AGBL1: variants seen among roughly 807,000 people sequenced by gnomAD.
AGBL1 encodes AGBL carboxypeptidase 1.
A neutral mutation model predicts 118.9 loss-of-function variants in AGBL1; 130 were observed. The ratio of observed to expected loss-of-function variants is 1.09; its 90% CI spans 0.95 to 1.26. The LOEUF is 1.26. AGBL1 is among the 50% of genes most tolerant of loss of function. AGBL1 has a pLI of 0.00. For synonymous variants in AGBL1, 555 were observed against 478.9 expected, an observed-to-expected ratio of 1.16 and a Z score of -2.08; for missense variants, 1,584 against 1,298.1, an observed-to-expected ratio of 1.22 and a Z score of -3.38.
At chr15:86,921,811 C>G (rs929803354) in intron 23 of AGBL1, among the ~76,000 whole-genome samples, 2 of 152,206 alleles carry the variant, frequency 1.3e-5, no homozygotes, top group Non-Finnish European at 1.5e-5. Context: ...CAGAGTCTTA[C>G]TTAGTTATAA....
Position 86,613,640 on chromosome 15 carries a change from G to C in AGBL1, c.2994+59103G>C, listed in dbSNP as rs1275613550. 6.6e-6 allele frequency among the ~76,000 whole-genome samples: 1 copy of C among 152,150 alleles called. No individual in the cohort carries two copies. The highest frequency in any genetic ancestry group is 1.5e-5 in the Non-Finnish European group (1 of 68,034). ...GAGTACTTACCAGCTACCTAAAGAAGGCATGACGTTTCCCAGAAAGAGGGC... is the reference window on the plus strand; with the variant it reads ...GAGTACTTACCAGCTACCTAAAGAACGCATGACGTTTCCCAGAAAGAGGGC... On this transcript the variant is annotated intron_variant, in intron 21 of 22. Transcript: ENST00000614907. This position sits in a 1 kb window ranked among gnomAD's most constrained non-coding sequence, Gnocchi z 4.2.
intron 17 of AGBL1, among the ~76,000 whole-genome samples, chr15:86,349,744 T>G (rs1282974990): frequency 6.6e-6 from 1 of 152,174 alleles, no homozygotes; most frequent in Non-Finnish European, 1.5e-5. Flanking sequence ...TTCCTTAAGT[T>G]TGAGATGTCT....
intron 5 of AGBL1, among the ~76,000 whole-genome samples, chr15:86,181,803 A>AT (rs1439060656): frequency 1.3e-5 from 2 of 152,060 alleles, no homozygotes; most frequent in Non-Finnish European, 2.9e-5. Context: ...TAAATGATTT[A>AT]TTTTTTGTAT....
chr15:86,663,354 C>A (rs1035714564), intron 21 of AGBL1, among the ~76,000 whole-genome samples: 2 of 152,160 alleles, frequency 1.3e-5, no homozygotes, highest in African/African-American at 4.8e-5. Context: ...GAGAGCAGCA[C>A]CTTTCTCCTT....
chr15:86,623,520 T>C (rs1235812242), intron 21 of AGBL1, among the ~76,000 whole-genome samples: 1 of 152,196 alleles, frequency 6.6e-6, no homozygotes, highest in Non-Finnish European at 1.5e-5. Flanking sequence ...ATTCTCTTTG[T>C]TCACTACCCA....
Position 86,247,818 on chromosome 15 carries a change from G to C in AGBL1, c.674G>C (p.Arg225Pro). The C allele has an allele frequency of 1.9e-6, 3 of 1,613,956 alleles. No individual in the cohort carries two copies. Among genetic ancestry groups the C allele is most frequent in the South Asian group, 2.2e-5 (2 of 91,080 alleles). Reference protein sequence around the residue: ...LLCLRHIAALRSGREAFLAAQ... With the variant: ...LLCLRHIAALPSGREAFLAAQ... ...TGCCTCAGGCACATTGCTGCCCTCC[G>C]GTCCGGCAGGGAGGCCTTCCTGGCA... The change falls in exon 7 of 23, where the codon CGG (arginine) becomes CCG (proline). Residue 225 changes from arginine (R) to proline (P), a missense_variant. By Grantham distance (103) the Arg-to-Pro change is moderately radical. Coordinates refer to ENST00000614907, the MANE Select transcript of AGBL1 (RefSeq NM_001386094.1).
chr15:86,584,909 G>A (rs1354229168), intron 21 of AGBL1, among the ~76,000 whole-genome samples: 1 of 152,044 alleles, frequency 6.6e-6, no homozygotes, highest in African/African-American at 2.4e-5. Context: ...TCCTTGATTA[G>A]ATCTATTCCT....
At chr15:86,882,569 T>G (rs189328208) in intron 22 of AGBL1, among the ~76,000 whole-genome samples, 1 of 152,330 alleles carries the variant, frequency 6.6e-6, no homozygotes, top group East Asian at 1.9e-4. Context: ...ATATTAATAA[T>G]AGTTAACCAA....
chr15:86,121,577 G>A (rs189581846), intron 1 of AGBL1, among the ~76,000 whole-genome samples: 1 of 152,204 alleles, frequency 6.6e-6, no homozygotes, highest in Non-Finnish European at 1.5e-5. Flanking sequence ...AGTTGTAGGG[G>A]TGATTCATGT....
chr15:86,482,606 G>A (rs2082666455), intron 18 of AGBL1, among the ~76,000 whole-genome samples: 1 of 152,032 alleles, frequency 6.6e-6, no homozygotes, highest in African/African-American at 2.4e-5. Context: ...TTAAGAAGCA[G>A]TGTGAAGACC....
intron 13 of AGBL1, among the ~76,000 whole-genome samples, chr15:86,268,690 TGTGA>T (rs1292152803): frequency 6.6e-6 from 1 of 152,146 alleles, no homozygotes; most frequent in Non-Finnish European, 1.5e-5. Flanking sequence ...GAATTGTTCT[TGTGA>T]GTGCCACTCC....
chr15:86,128,534 G>C (rs763571815), intron 1 of AGBL1, among the ~76,000 whole-genome samples: 1 of 152,198 alleles, frequency 6.6e-6, no homozygotes, highest in Non-Finnish European at 1.5e-5. Context: ...GAGGAAGCTG[G>C]ATCACCAGGC....
At chr15:86,709,959 T>A (rs1357207076) in intron 22 of AGBL1, among the ~76,000 whole-genome samples, 1 of 152,216 alleles carries the variant, frequency 6.6e-6, no homozygotes, top group Non-Finnish European at 1.5e-5. Flanking sequence ...TCTTTTTATG[T>A]TTATTGCTGC....
At chr15:86,410,374 T>C (rs187700482) in intron 18 of AGBL1, among the ~76,000 whole-genome samples, 11 of 152,256 alleles carry the variant, frequency 7.2e-5, no homozygotes, top group Middle Eastern at 3.4e-3. Flanking sequence ...TCAGTGATGA[T>C]TGTGGTGGTG....
chr15:86,700,472 C>T (rs1460128355), intron 22 of AGBL1, among the ~76,000 whole-genome samples: 1 of 71,478 alleles, frequency 1.4e-5, no homozygotes, highest in Non-Finnish European at 2.4e-5. Context: ...GACTAATACA[C>T]ACACACACAC....
chr15:86,153,515 G>T (rs527851667), intron 3 of AGBL1, among the ~76,000 whole-genome samples: 8 of 152,148 alleles, frequency 5.3e-5, no homozygotes, highest in Admixed American at 1.3e-4. Flanking sequence ...GTCGTGGGGT[G>T]GGGGGCAGGG....
intron 22 of AGBL1, among the ~76,000 whole-genome samples, chr15:86,681,377 G>A (rs896438981): frequency 6.6e-6 from 1 of 151,984 alleles, no homozygotes; most frequent in East Asian, 1.9e-4. Flanking sequence ...TTTCCATTTG[G>A]ATCAGTTATC....
intron 23 of AGBL1, among the ~76,000 whole-genome samples, chr15:86,987,512 C>T (rs1325720152): frequency 5.3e-5 from 8 of 152,020 alleles, no homozygotes; most frequent in Non-Finnish European, 1.5e-5. Flanking sequence ...CAGGCCAAGT[C>T]CTCCTTTTAT....
At chr15:86,084,544 C>A (rs1424702304) in intron 1 of AGBL1, among the ~76,000 whole-genome samples, 2 of 152,170 alleles carry the variant, frequency 1.3e-5, no homozygotes, top group African/African-American at 4.8e-5. Context: ...GGTTTTGTTC[C>A]CCTAAAGCCT....
Sources: allele counts gnomAD v4.1 joint callset (sites outside exome capture counted in the v4.1 genomes callset), GRCh38; gene constraint gnomAD v4.1.1; non-coding constraint Gnocchi (gnomAD v3.1); transcripts MANE v1.5; gene names NCBI Gene and HGNC (gene_info 2026-07-23, HGNC 2026-07-21).